The following EPB41L3 variants were observed in gnomAD, a reference collection of about 807,000 sequenced individuals.
EPB41L3 encodes erythrocyte membrane protein band 4.1 like 3.
In EPB41L3, 57 loss-of-function variants were observed where a neutral mutation model predicts 127.1. That is an observed-to-expected ratio of 0.45 (90% confidence interval 0.36 to 0.56). The LOEUF is 0.56. Ranked by LOEUF, EPB41L3 falls within the 20% of genes least tolerant of loss-of-function variation. The pLI, the probability that EPB41L3 is intolerant of heterozygous loss-of-function variation, is 0.00. For missense variants in EPB41L3, 1,273 were observed against 1,372.2 expected, an observed-to-expected ratio of 0.93 and a Z score of 1.14; for synonymous variants, 572 against 549.5, an observed-to-expected ratio of 1.04 and a Z score of -0.57.
Position 5,416,198 on chromosome 18 carries a change from T to G in EPB41L3, c.1687A>C (p.Arg563=). The change falls in exon 13 of 23, where the codon AGG becomes CGG. Residue 563 remains arginine, a synonymous_variant. Transcript: ENST00000341928. ...EPALDSDGPG[R]PYLGDQDVAF... is the part of the protein sequence containing the mutation. ...ACATCTTGATCCCCTAGGTAAGGCC[T>G]CCCTGGGCCATCAGAGTCCAAGGCG... 6.8e-6 allele frequency: 11 copies of G among 1,614,150 alleles called. No individual in the cohort carries two copies. The highest frequency in any genetic ancestry group is 9.3e-6 in the Non-Finnish European group (11 of 1,180,014).
intron 3 of EPB41L3, among the ~76,000 whole-genome samples, chr18:5,453,652 TA>T (rs2082598968): frequency 6.6e-6 from 1 of 152,188 alleles, no homozygotes; most frequent in Non-Finnish European, 1.5e-5. Flanking sequence ...CTCCATCACC[TA>T]TCTTCCTCAA....
intron 1 of EPB41L3, among the ~76,000 whole-genome samples, chr18:5,625,927 A>G (rs1599402678): frequency 3.3e-5 from 5 of 149,588 alleles, no homozygotes; most frequent in South Asian, 2.1e-4. Context: ...AAAGTCCCCA[A>G]TGTAAGTTCT....
At chr18:5,510,309 TATAGC>T (rs1274489422) in intron 1 of EPB41L3, among the ~76,000 whole-genome samples, 1 of 152,114 alleles carries the variant, frequency 6.6e-6, no homozygotes, top group African/African-American at 2.4e-5. Context: ...AGGACCCTGG[TATAGC>T]ATCATCCCTT....
rs149158629 is a variant in EPB41L3 at position 5,430,555 on chromosome 18, A to G, written c.913-2090T>C. ...CACAGTATTGAGGTTAGTTTGAGAA[A>G]TCTTTTTTTTTTTCTTTTTTTTTTT... On this transcript the variant is annotated intron_variant, in intron 8 of 22. Transcript: ENST00000341928. Among the ~76,000 whole-genome samples, 267 of 149,198 alleles carry G rather than the reference A, an allele frequency of 1.8e-3. 1 individual carries two copies. Among genetic ancestry groups the G allele is most frequent in the African/African-American group, 6.3e-3 (261 of 41,180 alleles).
chr18:5,504,240 T>C (rs1455955121), intron 1 of EPB41L3, among the ~76,000 whole-genome samples: 2 of 152,204 alleles, frequency 1.3e-5, no homozygotes, highest in Non-Finnish European at 2.9e-5. Context: ...AAAACCTTGC[T>C]GAACACTCAC....
upstream of EPB41L3, among the ~76,000 whole-genome samples, chr18:5,547,686 GTAAA>G (rs1482787523): frequency 1.3e-5 from 2 of 152,270 alleles, no homozygotes; most frequent in East Asian, 1.9e-4. Context: ...AGATATGTGT[GTAAA>G]TTCATCCCAA....
chr18:5,428,745 T>C (rs753353207), intron 8 of EPB41L3, among the ~76,000 whole-genome samples: 4 of 152,190 alleles, frequency 2.6e-5, no homozygotes, highest in Admixed American at 2.6e-4. Context: ...TGAAGGTATG[T>C]TAATAACGGT....
chr18:5,561,273 G>A (rs1201644654), intron 3 of EPB41L3, among the ~76,000 whole-genome samples: 3 of 152,106 alleles, frequency 2.0e-5, no homozygotes, highest in East Asian at 1.9e-4. Flanking sequence ...CACCGCGCCT[G>A]GCCAGTTGTA....
intron 3 of EPB41L3, among the ~76,000 whole-genome samples, chr18:5,595,866 C>T (rs1213128428): frequency 6.6e-6 from 1 of 152,102 alleles, no homozygotes; most frequent in African/African-American, 2.4e-5. Context: ...AATCTGTAAT[C>T]CTCCAAAAAT....
intron 3 of EPB41L3, among the ~76,000 whole-genome samples, chr18:5,550,747 G>A (rs897027228): frequency 1.3e-5 from 2 of 152,148 alleles, no homozygotes; most frequent in African/African-American, 2.4e-5. Context: ...TGTTCCAAAT[G>A]TTTGCCACTC....
chr18:5,594,061 A>G (rs897230837), intron 3 of EPB41L3, among the ~76,000 whole-genome samples: 3 of 152,216 alleles, frequency 2.0e-5, no homozygotes, highest in Admixed American at 1.3e-4. Flanking sequence ...CTCAGCTGAC[A>G]GGATTAAGAG....
intron 3 of EPB41L3, among the ~76,000 whole-genome samples, chr18:5,568,342 G>T (rs571222176): frequency 5.3e-4 from 78 of 147,910 alleles, no homozygotes; most frequent in Non-Finnish European, 1.0e-3. Flanking sequence ...AAGACCATTA[G>T]TCCTCAAGAG....
intron 16 of EPB41L3, 45 bp from the exon 17 acceptor site, chr18:5,398,188 C>A: frequency 6.2e-7 from 1 of 1,607,052 alleles, no homozygotes; most frequent in Non-Finnish European, 8.5e-7. Context: ...AAGAGAGACA[C>A]AAACTCAGGC....
chr18:5,426,199 T>C (rs186598930), intron 9 of EPB41L3, among the ~76,000 whole-genome samples: 42 of 152,304 alleles, frequency 2.8e-4, no homozygotes, highest in Admixed American at 2.4e-3. Flanking sequence ...TTGAATAAAA[T>C]ATATACAGTT....
At chr18:5,568,571 C>T (rs895660636) in intron 3 of EPB41L3, among the ~76,000 whole-genome samples, 7 of 152,098 alleles carry the variant, frequency 4.6e-5, no homozygotes, top group Non-Finnish European at 7.4e-5. Context: ...ACAGAGTACA[C>T]GCAAGACCTA....
chr18:5,449,075 AT>A (rs2081929242), intron 3 of EPB41L3, among the ~76,000 whole-genome samples: 1 of 152,190 alleles, frequency 6.6e-6, no homozygotes, highest in African/African-American at 2.4e-5. Context: ...GGCTGAAAAT[AT>A]TTGCAAAACA....
At chr18:5,531,967 G>T (rs889646996) in intron 1 of EPB41L3, among the ~76,000 whole-genome samples, 3 of 152,122 alleles carry the variant, frequency 2.0e-5, no homozygotes, top group African/African-American at 7.2e-5. Context: ...CAAGAAAAAA[G>T]AGTGGTAAGA....
At chr18:5,542,898 C>A (rs969085327) in intron 1 of EPB41L3, among the ~76,000 whole-genome samples, 3 of 152,206 alleles carry the variant, frequency 2.0e-5, no homozygotes, top group Admixed American at 6.5e-5. Context: ...GAGGGGAAAT[C>A]CGAAAAAGCA....
At chr18:5,541,434 AC>A (rs2093727458) in intron 1 of EPB41L3, among the ~76,000 whole-genome samples, 2 of 152,148 alleles carry the variant, frequency 1.3e-5, no homozygotes, top group Non-Finnish European at 2.9e-5. Flanking sequence ...ACATCATACA[AC>A]ACGGAAGAAA....
Sources: gnomAD v4.1 joint callset for allele counts (sites outside exome capture counted in the v4.1 genomes callset) on GRCh38, gnomAD v4.1.1 for gene constraint, MANE v1.5 for transcripts, NCBI Gene and HGNC (gene_info 2026-07-23, HGNC 2026-07-21) for gene names.